The following ESR1 variants were observed in gnomAD, a reference collection of about 807,000 sequenced individuals.
ESR1 encodes the protein estrogen receptor.
In ESR1, 12 loss-of-function variants were observed where a neutral mutation model predicts 52.7. The observed-to-expected ratio is 0.23, with a 90% CI of 0.15 to 0.37. The LOEUF (loss-of-function observed/expected upper bound fraction) is 0.37. Among genes scored for constraint, ESR1 ranks in the 10% least tolerant of loss-of-function variants. The pLI is 1.00. For synonymous variants in ESR1, 305 were observed against 316.8 expected (o/e 0.96, Z 0.39); for missense variants, 584 against 779.7 (o/e 0.75, Z 2.99).
intron 4 of ESR1, among the ~76,000 whole-genome samples, chr6:151,963,312 G>A (rs2037888340): frequency 6.6e-6 from 1 of 152,278 alleles, no homozygotes; most frequent in East Asian, 1.9e-4. Flanking sequence ...TTTCCAGGGG[G>A]TAAAAGCCTG....
At chr6:151,792,440 A>G (rs1776259767) in intron 2 of ESR1, among the ~76,000 whole-genome samples, 1 of 151,880 alleles carries the variant, frequency 6.6e-6, no homozygotes, top group South Asian at 2.1e-4. Flanking sequence ...TTACTTTATA[A>G]ACTTTAATTT....
chr6:152,068,216 C>T (rs1471736063), intron 6 of ESR1, among the ~76,000 whole-genome samples: 1 of 152,210 alleles, frequency 6.6e-6, no homozygotes, highest in Non-Finnish European at 1.5e-5. Flanking sequence ...GCCCAGTGTT[C>T]TGCAACGTCC....
At chr6:152,084,544 G>A (rs987202247) in intron 6 of ESR1, among the ~76,000 whole-genome samples, 3 of 151,796 alleles carry the variant, frequency 2.0e-5, no homozygotes, top group African/African-American at 4.8e-5. Context: ...TCCCAGTCTC[G>A]AGTATGTCTT....
Position 152,053,660 on chromosome 6 carries a change from C to G in ESR1, c.1236-7331C>G, listed in dbSNP as rs947922279. Among the ~76,000 whole-genome samples, 7 of 151,992 alleles carry G rather than the reference C, an allele frequency of 4.6e-5. No homozygotes were observed. Among genetic ancestry groups the G allele is most frequent in the African/African-American group, 1.4e-4 (6 of 41,418 alleles). On this transcript the variant is annotated intron_variant, in intron 5 of 7. Coordinates refer to ENST00000206249, the MANE Select transcript of ESR1 (RefSeq NM_000125.4). The surrounding 1 kb of genome is among the most constrained non-coding windows in gnomAD (Gnocchi z 4.1). Reference sequence around the variant, plus strand: ...TGTCTCTGTCTCTGTCTGCCTCTCTCTCTCTCTCTCTCTTCCCTAGTGAGC... The same window carrying G: ...TGTCTCTGTCTCTGTCTGCCTCTCTGTCTCTCTCTCTCTTCCCTAGTGAGC...
At chr6:151,976,269 A>G (rs1035492816) in intron 4 of ESR1, among the ~76,000 whole-genome samples, 4 of 152,178 alleles carry the variant, frequency 2.6e-5, no homozygotes, top group African/African-American at 9.6e-5. Context: ...ATCGTGACTT[A>G]GCTTGTTTTC....
chr6:151,959,369 GAAC>G (rs2037389442), intron 4 of ESR1, among the ~76,000 whole-genome samples: 3 of 152,122 alleles, frequency 2.0e-5, no homozygotes, highest in Admixed American at 1.3e-4. Context: ...TTCTATCCAT[GAAC>G]AACGTCAAAT....
At chr6:151,704,395 C>T (rs751347782) in intron 2 of ESR1, among the ~76,000 whole-genome samples, 37 of 152,256 alleles carry the variant, frequency 2.4e-4, no homozygotes, top group Middle Eastern at 3.4e-3. Context: ...CCCGCCACCA[C>T]ACCCAGCTAA....
intron 2 of ESR1, among the ~76,000 whole-genome samples, chr6:151,753,533 G>T (rs1784060807): frequency 6.6e-6 from 1 of 152,074 alleles, no homozygotes; most frequent in African/African-American, 2.4e-5. Flanking sequence ...GACTAGGGTG[G>T]TCTCAAACTC....
chr6:151,671,757 C>T (rs573099394), intron 1 of ESR1, among the ~76,000 whole-genome samples: 8 of 151,750 alleles, frequency 5.3e-5, no homozygotes, highest in South Asian at 2.1e-4. Flanking sequence ...TTTGGGAGGC[C>T]GAGATGGGCA....
At chr6:152,010,045 A>C (rs2042639421) in intron 4 of ESR1, among the ~76,000 whole-genome samples, 1 of 152,120 alleles carries the variant, frequency 6.6e-6, no homozygotes, top group Admixed American at 6.6e-5. Context: ...AAAAAGGAGA[A>C]AATTATAGCT....
At chr6:151,850,109 C>T (rs58040676) in intron 2 of ESR1, among the ~76,000 whole-genome samples, 19,072 of 39,562 alleles carry the variant, frequency 0.48, 4,477 homozygotes, top group Middle Eastern at 0.62. Context: ...TATATATATA[C>T]AAAATTATAT....
chr6:151,903,619 G>A (rs1797014499), intron 3 of ESR1, among the ~76,000 whole-genome samples: 1 of 152,100 alleles, frequency 6.6e-6, no homozygotes, highest in Non-Finnish European at 1.5e-5. Context: ...CCATGCATAT[G>A]ACAGCCACTC....
At chr6:151,871,331 A>G (rs1462242958) in intron 2 of ESR1, among the ~76,000 whole-genome samples, 5 of 152,176 alleles carry the variant, frequency 3.3e-5, no homozygotes, top group Non-Finnish European at 7.3e-5. Flanking sequence ...GTTCAGTGGC[A>G]TTGAGTACAT....
At chr6:151,669,179 A>G (rs1014804460) in intron 1 of ESR1, among the ~76,000 whole-genome samples, 8 of 124,954 alleles carry the variant, frequency 6.4e-5, no homozygotes, top group South Asian at 2.8e-4. Context: ...AGAGAGAGAG[A>G]GAGAGAGAGA....
chr6:151,760,758 T>C (rs1784603129), intron 2 of ESR1, among the ~76,000 whole-genome samples: 1 of 152,196 alleles, frequency 6.6e-6, no homozygotes, highest in Non-Finnish European at 1.5e-5. Flanking sequence ...TCCCACAGAC[T>C]GCTGTGAGAA....
intron 3 of ESR1, among the ~76,000 whole-genome samples, chr6:151,899,644 G>A (rs1461159359): frequency 6.6e-6 from 1 of 151,658 alleles, no homozygotes; most frequent in African/African-American, 2.4e-5. Context: ...CCCAGACGGG[G>A]TGGCTGCCGG....
chr6:151,770,610 G>A (rs1167859858), intron 2 of ESR1, among the ~76,000 whole-genome samples: 4 of 152,024 alleles, frequency 2.6e-5, no homozygotes, highest in Non-Finnish European at 1.5e-5. Flanking sequence ...AAGCGGTAAA[G>A]GTGATACGGG....
chr6:151,673,272 C>A (rs535000094), intron 1 of ESR1, among the ~76,000 whole-genome samples: 4 of 152,296 alleles, frequency 2.6e-5, no homozygotes, highest in African/African-American at 9.6e-5. Flanking sequence ...ATGTCTCCCA[C>A]TATAATTAAA....
intron 1 of ESR1, among the ~76,000 whole-genome samples, chr6:151,815,296 T>C (rs1423145885): frequency 2.6e-5 from 4 of 152,220 alleles, no homozygotes; most frequent in Non-Finnish European, 4.4e-5. Context: ...AGAAGCTATT[T>C]TCTTTAGTTA....
Sources: allele counts gnomAD v4.1 joint callset (sites outside exome capture counted in the v4.1 genomes callset), GRCh38; gene constraint gnomAD v4.1.1; non-coding constraint Gnocchi (gnomAD v3.1); transcripts MANE v1.5; gene names NCBI Gene and HGNC (gene_info 2026-07-23, HGNC 2026-07-21).